MYO5C: variants seen among roughly 807,000 people sequenced by gnomAD.
MYO5C encodes unconventional myosin-Vc.
MYO5C carries 194 observed loss-of-function variants against 235.7 expected under a neutral mutation model. That is an observed-to-expected ratio of 0.82 (90% CI 0.73 to 0.93). The LOEUF (loss-of-function observed/expected upper bound fraction) is 0.93, where lower values mean the gene tolerates loss of function less well. Among genes scored for constraint, MYO5C ranks in the 40% least tolerant of loss-of-function variants. The pLI is 0.00. For synonymous variants in MYO5C, 707 were observed against 754.8 expected (o/e 0.94, Z 1.04); for missense variants, 2,038 against 2,127.2 (o/e 0.96, Z 0.82).
chr15:52,294,818 C>T (rs1418356953), intron 1 of MYO5C, among the ~76,000 whole-genome samples: 1 of 152,180 alleles, frequency 6.6e-6, no homozygotes, highest in East Asian at 1.9e-4. Context: ...GAGCCCCAGC[C>T]AGCAGAAAGG....
At chr15:52,214,820 A>T in intron 32 of MYO5C, 130 bp from the exon 33 acceptor site, 1 of 547,658 alleles carries the variant, frequency 1.8e-6, no homozygotes, top group South Asian at 2.7e-5. Context: ...GTGTAAACTC[A>T]AAGGTTTTTT....
chr15:52,196,468 G>A lies in MYO5C; in HGVS notation c.4836C>T (p.Tyr1612=), dbSNP rs750852769. ...TCTTATCTTTAAGCCATTCTTCTAA[G>A]TAGCTGATATTGCACCTGGAGGGAA... ...KGMQIRCNIS[Y]LEEWLKDKNL... The change falls in exon 39 of 41, where the codon TAC becomes TAT. Residue 1612 remains tyrosine (Y), a synonymous_variant. Coordinates refer to ENST00000261839, the MANE Select transcript of MYO5C (RefSeq NM_018728.4). 6.2e-7 allele frequency: 1 copy of A among 1,613,482 alleles called. No individual in the cohort carries two copies. Among genetic ancestry groups the A allele is most frequent in the Non-Finnish European group, 8.5e-7 (1 of 1,179,786 alleles).
At chr15:52,235,798 GA>G in intron 22 of MYO5C, 35 bp from the exon 23 acceptor site, 1 of 1,439,866 alleles carries the variant, frequency 6.9e-7, no homozygotes. Flanking sequence ...AAACTTTTTT[GA>G]AAACCTCACT....
chr15:52,277,764 C>A (rs2037083477), intron 4 of MYO5C: 1 of 447,508 alleles, frequency 2.2e-6, no homozygotes, highest in Non-Finnish European at 4.5e-6. Context: ...GGCACCGGGT[C>A]TCTGATGACT....
At chr15:52,215,318 T>C (rs1466120275) in intron 32 of MYO5C, among the ~76,000 whole-genome samples, 3 of 152,224 alleles carry the variant, frequency 2.0e-5, no homozygotes, top group Non-Finnish European at 2.9e-5. Context: ...GCCTTGCCCA[T>C]GCTGAATTTG....
At chr15:52,218,495 T>C (rs758428685) in intron 32 of MYO5C, 24 bp downstream of exon 32, 9 of 1,611,238 alleles carry the variant, frequency 5.6e-6, no homozygotes, top group African/African-American at 2.7e-5. Flanking sequence ...ACAGTCTTTA[T>C]CACCAAGTTA....
intron 25 of MYO5C, among the ~76,000 whole-genome samples, chr15:52,228,266 C>A (rs2035873380): frequency 6.6e-6 from 1 of 152,106 alleles, no homozygotes. Flanking sequence ...GCCTCAGCCT[C>A]CTGAGTAGCT....
At chr15:52,238,742 T>C (rs886074837) in intron 21 of MYO5C, among the ~76,000 whole-genome samples, 13 of 144,644 alleles carry the variant, frequency 9.0e-5, no homozygotes, top group African/African-American at 2.3e-4. Flanking sequence ...CCCAGGTTCA[T>C]GCCATTCTCC....
chr15:52,208,672 G>A, intron 35 of MYO5C, 29 bp from the exon 36 acceptor site: 1 of 1,591,934 alleles, frequency 6.3e-7, no homozygotes, highest in Non-Finnish European at 8.6e-7. Flanking sequence ...GACAAAATTG[G>A]TCTTGATGAT....
chr15:52,281,509 A>G (rs1209796514), intron 2 of MYO5C, among the ~76,000 whole-genome samples: 1 of 152,238 alleles, frequency 6.6e-6, no homozygotes, highest in Non-Finnish European at 1.5e-5. Context: ...GACACTCAAT[A>G]AAAACTGCGA....
At chr15:52,265,133 T>G (rs551636819) in intron 8 of MYO5C, 1 of 152,356 alleles carries the variant, frequency 6.6e-6, no homozygotes, top group South Asian at 2.1e-4. Context: ...TGCCCCATGT[T>G]CCCCATTGGG....
chr15:52,233,645 A>G (rs1020242596), intron 23 of MYO5C, among the ~76,000 whole-genome samples: 1 of 152,260 alleles, frequency 6.6e-6, no homozygotes, highest in African/African-American at 2.4e-5. Context: ...AGTACAAAAA[A>G]GGCAGCTGTT....
chr15:52,240,168 C>G (rs1035624033), intron 20 of MYO5C, among the ~76,000 whole-genome samples: 1 of 152,210 alleles, frequency 6.6e-6, no homozygotes, highest in African/African-American at 2.4e-5. Context: ...ACCCATGTCC[C>G]AAGAAATTGG....
chr15:52,198,947 G>A (rs777591075), intron 38 of MYO5C, among the ~76,000 whole-genome samples: 6 of 151,722 alleles, frequency 4.0e-5, no homozygotes, highest in Non-Finnish European at 8.8e-5. Flanking sequence ...AGGCTGGAGT[G>A]CAGTGGCACG....
intron 29 of MYO5C, 121 bp downstream of exon 29, chr15:52,223,423 C>T: frequency 2.1e-6 from 2 of 938,886 alleles, no homozygotes; most frequent in East Asian, 2.5e-5. Context: ...CAAGTTATTT[C>T]ACTTCTGGAA....
intron 22 of MYO5C, 182 bp downstream of exon 22, chr15:52,237,300 C>T: frequency 1.5e-6 from 1 of 651,896 alleles, no homozygotes; most frequent in Non-Finnish European, 2.5e-6. Flanking sequence ...TCCTCCCTTC[C>T]CCTAGACTCT....
At chr15:52,208,758 A>T in intron 35 of MYO5C, 115 bp from the exon 36 acceptor site, 2 of 748,072 alleles carry the variant, frequency 2.7e-6, no homozygotes, top group South Asian at 1.7e-5. Context: ...TTTATTCACT[A>T]AAGCCTTTAT....
At chr15:52,207,384 T>G (rs1425905897) in intron 36 of MYO5C, among the ~76,000 whole-genome samples, 1 of 152,204 alleles carries the variant, frequency 6.6e-6, no homozygotes, top group Admixed American at 6.5e-5. Context: ...CTCCTCCTGT[T>G]TTGGTATTCC....
At chr15:52,265,921 C>G (rs1223655459) in intron 8 of MYO5C, among the ~76,000 whole-genome samples, 1 of 152,226 alleles carries the variant, frequency 6.6e-6, no homozygotes, top group Non-Finnish European at 1.5e-5. Context: ...CCAGCTGAGT[C>G]CAGGCACTTG....
Sources: allele counts gnomAD v4.1 joint callset (sites outside exome capture counted in the v4.1 genomes callset), GRCh38; gene constraint gnomAD v4.1.1; transcripts MANE v1.5; gene names NCBI Gene and HGNC (gene_info 2026-07-23, HGNC 2026-07-21).